Variants in RBFOX3 observed in about 807,000 individuals in gnomAD.
RBFOX3 encodes the protein RNA binding protein fox-1 homolog 3.
In RBFOX3, 17 loss-of-function variants were observed where a neutral mutation model predicts 48.7. That is an observed-to-expected ratio of 0.35 (90% CI 0.24 to 0.52). RBFOX3 has a LOEUF of 0.52. Ranked by LOEUF, RBFOX3 falls within the 20% of genes least tolerant of loss-of-function variation. RBFOX3 has a pLI of 0.94. For synonymous variants in RBFOX3, 212 were observed against 209.5 expected, an observed-to-expected ratio of 1.01 and a Z score of -0.10; for missense variants, 382 against 497.5, an observed-to-expected ratio of 0.77 and a Z score of 2.21.
intron 1 of RBFOX3, among the ~76,000 whole-genome samples, chr17:79,510,555 G>C (rs1170218010): frequency 6.6e-6 from 1 of 152,278 alleles, no homozygotes; most frequent in East Asian, 1.9e-4. Context: ...AACATTCCCC[G>C]TGTAAAGTTG....
At chr17:79,158,345 T>C (rs1397510688) in intron 4 of RBFOX3, among the ~76,000 whole-genome samples, 1 of 152,230 alleles carries the variant, frequency 6.6e-6, no homozygotes, top group Non-Finnish European at 1.5e-5. Context: ...TCCTATGCCC[T>C]CTGTGCCTCA....
At chr17:79,093,088 C>T (rs1568108968) in intron 14 of RBFOX3, among the ~76,000 whole-genome samples, 1 of 152,234 alleles carries the variant, frequency 6.6e-6, no homozygotes, top group Non-Finnish European at 1.5e-5. Flanking sequence ...CTGAAGCCAG[C>T]TACGCTGGGA....
rs990744376 is a variant in RBFOX3 at position 79,479,830 on chromosome 17, G to A, written c.-175+2624C>T. Among the ~76,000 whole-genome samples, 6 of 152,202 alleles carry A rather than the reference G, an allele frequency of 3.9e-5. No individual in the cohort carries two copies. Among genetic ancestry groups the A allele is most frequent in the Admixed American group, 6.5e-5 (1 of 15,282 alleles). On this transcript the variant is annotated intron_variant, in intron 2 of 14. Coordinates refer to ENST00000693108, the MANE Select transcript of RBFOX3 (RefSeq NM_001350451.2). This position sits in a 1 kb window ranked among gnomAD's most constrained non-coding sequence, Gnocchi z 5.1. ...GAGGAGCATGGGAGATGGTGCTACC[G>A]TCACGGCCTGCAGGATGTCTGTACG...
the RBFOX3 span, among the ~76,000 whole-genome samples, chr17:79,626,864 C>A: frequency 2.6e-5 from 4 of 152,242 alleles, no homozygotes; most frequent in Non-Finnish European, 4.4e-5. Context: ...CAGATGGTCA[C>A]TTCTGAGAAA....
intron 1 of RBFOX3, among the ~76,000 whole-genome samples, chr17:79,605,809 C>A (rs2093816323): frequency 6.6e-6 from 1 of 152,212 alleles, no homozygotes; most frequent in South Asian, 2.1e-4. Context: ...GGACCCCCAA[C>A]TCAAGTTGAC....
chr17:79,275,784 C>T (rs2068690829), intron 3 of RBFOX3, among the ~76,000 whole-genome samples: 2 of 152,222 alleles, frequency 1.3e-5, no homozygotes, highest in African/African-American at 4.8e-5. Context: ...GCAGGAGGCC[C>T]TCGGGCTGGG....
chr17:79,176,523 C>T (rs2050578287), intron 4 of RBFOX3, among the ~76,000 whole-genome samples: 1 of 152,266 alleles, frequency 6.6e-6, no homozygotes, highest in African/African-American at 2.4e-5. Context: ...ACTGTGAAAC[C>T]AATGGCCATA....
chr17:79,255,508 T>G (rs752984010), intron 3 of RBFOX3, among the ~76,000 whole-genome samples: 1 of 152,116 alleles, frequency 6.6e-6, no homozygotes, highest in Non-Finnish European at 1.5e-5. Context: ...AACAAGGCTG[T>G]GTCCACCCTT....
At chr17:79,566,567 A>G (rs1349788774) in intron 1 of RBFOX3, among the ~76,000 whole-genome samples, 1 of 152,206 alleles carries the variant, frequency 6.6e-6, no homozygotes, top group Non-Finnish European at 1.5e-5. Context: ...CAGTCCTTCC[A>G]TGCTTTGAGG....
chr17:79,106,055 C>T (rs192789597), intron 6 of RBFOX3, among the ~76,000 whole-genome samples: 74 of 152,350 alleles, frequency 4.9e-4, no homozygotes, highest in African/African-American at 1.3e-3. Context: ...GTGCAAAACC[C>T]GGAACAGGCC....
chr17:79,201,166 C>G (rs1330464908), intron 4 of RBFOX3, among the ~76,000 whole-genome samples: 1 of 151,486 alleles, frequency 6.6e-6, no homozygotes, highest in Non-Finnish European at 1.5e-5. Context: ...TAACCAGATC[C>G]ACACCAGAGG....
chr17:79,097,627 C>G, intron 10 of RBFOX3, 65 bp downstream of exon 10: 1 of 1,341,824 alleles, frequency 7.5e-7, no homozygotes, highest in South Asian at 1.3e-5. Context: ...GCCCCCAGAG[C>G]CCCCGGAGCC....
chr17:79,453,422 C>T (rs1473705144), intron 2 of RBFOX3, among the ~76,000 whole-genome samples: 8 of 152,118 alleles, frequency 5.3e-5, no homozygotes, highest in Admixed American at 5.2e-4. Context: ...CCCTGAGTGG[C>T]CAGCTCAGTG....
At chr17:79,501,997 G>A (rs560652942) in intron 1 of RBFOX3, among the ~76,000 whole-genome samples, 27 of 152,268 alleles carry the variant, frequency 1.8e-4, no homozygotes, top group African/African-American at 3.9e-4. Context: ...ACCCGGCCAG[G>A]GTGAAGTGGA....
At chr17:79,196,866 A>ACTGGTTTGCATTCTCAGAACT (rs1383627799) in intron 4 of RBFOX3, among the ~76,000 whole-genome samples, 1 of 152,180 alleles carries the variant, frequency 6.6e-6, no homozygotes, top group Non-Finnish European at 1.5e-5. Flanking sequence ...TTATGCTCAA[A>ACTGGTTTGCATTCTCAGAACT]CTGGTTTGCA....
chr17:79,560,578 G>A (rs1266973402), intron 1 of RBFOX3, among the ~76,000 whole-genome samples: 2 of 152,090 alleles, frequency 1.3e-5, no homozygotes, highest in Non-Finnish European at 2.9e-5. Context: ...TGAAGAATAC[G>A]CACTCCAGGG....
chr17:79,662,177 C>T, the RBFOX3 span, among the ~76,000 whole-genome samples: 5 of 138,226 alleles, frequency 3.6e-5, no homozygotes, highest in African/African-American at 5.6e-5. Context: ...GGCTGGAGTG[C>T]GGTGGTGCAA....
intron 2 of RBFOX3, among the ~76,000 whole-genome samples, chr17:79,466,428 G>A (rs562567360): frequency 2.6e-5 from 4 of 152,278 alleles, no homozygotes; most frequent in African/African-American, 4.8e-5. Context: ...TTGGGGAGTC[G>A]AGGGCAGAAC....
Position 79,266,567 on chromosome 17 carries a change from G to A in RBFOX3, c.-73-30762C>T, listed in dbSNP as rs542535411. Among the ~76,000 whole-genome samples, 12 of 152,248 alleles carry A rather than the reference G, an allele frequency of 7.9e-5. No homozygotes were observed. The South Asian group carries it at 1.9e-3, about 24-fold the overall frequency. ...GCTCCCGAAGTGCTTGGAATTTCCC[G>A]TGTGCCAGGACGGTCTTTAGAAAGT... On this transcript the variant is annotated intron_variant, in intron 3 of 14. Coordinates refer to ENST00000693108, the MANE Select transcript of RBFOX3 (RefSeq NM_001350451.2).
Sources: allele counts gnomAD v4.1 joint callset (sites outside exome capture counted in the v4.1 genomes callset), GRCh38; gene constraint gnomAD v4.1.1; non-coding constraint Gnocchi (gnomAD v3.1); transcripts MANE v1.5; gene names NCBI Gene and HGNC (gene_info 2026-07-23, HGNC 2026-07-21).